MS4A15: variants seen among roughly 807,000 people sequenced by gnomAD.
MS4A15 encodes the protein membrane-spanning 4-domains subfamily A member 15.
Under a neutral mutation model 20.6 loss-of-function variants are expected in MS4A15, and 22 were observed. The observed-to-expected ratio is 1.07, with a 90% CI of 0.76 to 1.52. The LOEUF (loss-of-function observed/expected upper bound fraction) is 1.52. Ranked by LOEUF, MS4A15 falls within the 40% of genes most tolerant of loss-of-function variation. MS4A15 has a pLI of 0.00. For synonymous variants in MS4A15, 129 were observed against 129.3 expected, an observed-to-expected ratio of 1.00 and a Z score of 0.02; for missense variants, 312 against 323.0, an observed-to-expected ratio of 0.97 and a Z score of 0.26.
At chr11:60,757,380 T>A (rs1359445874) in intron 1 of MS4A15, among the ~76,000 whole-genome samples, 1 of 152,172 alleles carries the variant, frequency 6.6e-6, no homozygotes, top group African/African-American at 2.4e-5. Context: ...TGGGCGCCGG[T>A]ACACTCGGTG....
intron 6 of MS4A15, among the ~76,000 whole-genome samples, chr11:60,774,857 G>A (rs973421093): frequency 1.3e-5 from 2 of 152,220 alleles, no homozygotes; most frequent in Admixed American, 6.5e-5. Flanking sequence ...TCTGAGCAGG[G>A]GAGTGAGCTG....
intron 2 of MS4A15, among the ~76,000 whole-genome samples, chr11:60,765,736 G>A (rs982681207): frequency 2.0e-5 from 3 of 152,052 alleles, no homozygotes; most frequent in African/African-American, 7.2e-5. Flanking sequence ...CCTAATAGCT[G>A]CACCACATCC....
At chr11:60,771,555 A>G in intron 4 of MS4A15, 1 of 1,529,080 alleles carries the variant, frequency 6.5e-7, no homozygotes, top group Non-Finnish European at 8.8e-7. Flanking sequence ...CTTTCAATAC[A>G]CAAGCCAGGG....
chr11:60,759,401 C>A (rs575004005), intron 1 of MS4A15, among the ~76,000 whole-genome samples: 1 of 152,364 alleles, frequency 6.6e-6, no homozygotes, highest in African/African-American at 2.4e-5. Context: ...CGATGCACTG[C>A]GGAAAGCCGC....
intron 2 of MS4A15, among the ~76,000 whole-genome samples, chr11:60,765,131 C>G (rs916705803): frequency 1.3e-5 from 2 of 152,104 alleles, no homozygotes; most frequent in Admixed American, 1.3e-4. Context: ...GGCATGATGT[C>G]ATGAGGCATT....
chr11:60,771,025 G>A (rs1854021808), intron 3 of MS4A15, among the ~76,000 whole-genome samples: 1 of 152,194 alleles, frequency 6.6e-6, no homozygotes, highest in Non-Finnish European at 1.5e-5. Context: ...GTAAATGTTT[G>A]ATGAGTGAAT....
chr11:60,771,625 C>T, intron 4 of MS4A15: 2 of 1,471,112 alleles, frequency 1.4e-6, no homozygotes, highest in Non-Finnish European at 1.8e-6. Flanking sequence ...AGAAGATCTC[C>T]TGTAAGAGTC....
At position 60,764,794 on chromosome 11, in the gene MS4A15, A is replaced by G. The variant is rs59622797; in HGVS notation, c.225+836A>G. On this transcript the variant is annotated intron_variant, in intron 2 of 6. Transcript: ENST00000405633. ...TGTGGAGCCGTGTGCCTGTAGTCCCAGCTACTCGGGAGGCTGAGGCAGGAG... is the reference window on the plus strand; with the variant it reads ...TGTGGAGCCGTGTGCCTGTAGTCCCGGCTACTCGGGAGGCTGAGGCAGGAG... Among the ~76,000 whole-genome samples, 1,105 of 152,246 alleles carry G rather than the reference A, an allele frequency of 7.3e-3. 5 individuals are homozygous for G. Among genetic ancestry groups the G allele is most frequent in the African/African-American group, 0.025 (1,049 of 41,540 alleles).
Position 60,775,663 on chromosome 11 carries a change from C to T in MS4A15, c.671C>T (p.Ala224Val). Residue 224 changes from alanine (A) to valine (V), a missense_variant, in exon 7 of 7, where the codon GCC becomes GTC. Transcript: ENST00000405633. ...GACTTCAACATCCCCAGCCCGGCAGCCTCTGCGCCCCCTGCCTATGACAAT... is the reference window on the plus strand; with the variant it reads ...GACTTCAACATCCCCAGCCCGGCAGTCTCTGCGCCCCCTGCCTATGACAAT... ...SADFNIPSPA[A>V]SAPPAYDNVA... 3 of 1,613,998 alleles carry T rather than the reference C, an allele frequency of 1.9e-6. No individual in the cohort carries two copies. The highest frequency in any genetic ancestry group is 2.5e-6 in the Non-Finnish European group (3 of 1,179,926).
In MS4A15 at chr11:60,763,948, A is replaced by G. The variant is rs1027434842; in HGVS notation, c.215A>G (p.Lys72Arg). The G allele has an allele frequency of 1.4e-5, 23 of 1,612,136 alleles. No individual in the cohort carries two copies. The highest frequency in any genetic ancestry group is 1.9e-5 in the Non-Finnish European group (22 of 1,179,598). The change falls in exon 2 of 7, where the codon AAA becomes AGA. Residue 72 changes from lysine (K) to arginine (R), a missense_variant. Physicochemically the swap from Lys to Arg is conservative, Grantham distance 26. Transcript: ENST00000405633. ...PVETFLTGEP[K>R]VLGTVQILIG... is the part of the protein sequence containing the mutation. ...GAGACATTCCTGACAGGAGAGCCCA[A>G]AGTTTTGGGGGTAAGAACAGCCTCT...
rs942419249 is a variant in MS4A15 at position 60,762,304 on chromosome 11, C to A, written c.-28-1402C>A. Among the ~76,000 whole-genome samples the A allele has an allele frequency of 3.9e-5, 6 of 152,280 alleles. No individual in the cohort carries two copies. The East Asian group carries it at 1.2e-3, about 29-fold the overall frequency. On this transcript the variant is annotated intron_variant, in intron 1 of 6. Coordinates refer to ENST00000405633, the MANE Select transcript of MS4A15 (RefSeq NM_001098835.2). Reference sequence around the variant, plus strand: ...GGGGATCAGCAGCTGGCATTCATTACCCATCAACATTTATATTGTAATTGG... The same window carrying A: ...GGGGATCAGCAGCTGGCATTCATTAACCATCAACATTTATATTGTAATTGG...
chr11:60,769,930 T>C (rs1377310811), intron 3 of MS4A15, among the ~76,000 whole-genome samples: 2 of 152,116 alleles, frequency 1.3e-5, no homozygotes, highest in African/African-American at 4.8e-5. Context: ...CAGGGCCTCC[T>C]CCACCCACCG....
intron 6 of MS4A15, 106 bp from the exon 7 acceptor site, chr11:60,775,494 GGAATT>G: frequency 1.2e-6 from 1 of 803,224 alleles, no homozygotes; most frequent in South Asian, 1.6e-5. Context: ...TCAGACTTGC[GGAATT>G]CAGTACCAGG....
chr11:60,764,911 A>T (rs1853844077), intron 2 of MS4A15, among the ~76,000 whole-genome samples: 1 of 152,212 alleles, frequency 6.6e-6, no homozygotes, highest in Non-Finnish European at 1.5e-5. Context: ...CCCATTTAAA[A>T]AAAAAAAGAA....
In MS4A15 at chr11:60,771,825, G is replaced by A. The variant is rs184621882; in HGVS notation, c.405+478G>A. The A allele has an allele frequency of 6.7e-5, 79 of 1,180,822 alleles. No individual in the cohort carries two copies. In the Admixed American group the frequency reaches 2.7e-3, roughly 40 times the overall value. The allele number at this position is 1,180,822 out of a possible 1,614,324, so 73.1% of individuals were successfully genotyped here. ...AATCCCATGATGGGGCTGGATTGTGGAGGGCTTGGTGCCTTCTGCAGGCAC... is the reference window on the plus strand; with the variant it reads ...AATCCCATGATGGGGCTGGATTGTGAAGGGCTTGGTGCCTTCTGCAGGCAC... On this transcript the variant is annotated intron_variant, in intron 4 of 6. Transcript: ENST00000405633.
At chr11:60,771,197 G>A in intron 3 of MS4A15, 94 bp from the exon 4 acceptor site, 1 of 1,444,320 alleles carries the variant, frequency 6.9e-7, no homozygotes, top group African/African-American at 1.4e-5. Context: ...GGAGGCTGTT[G>A]TCTCTCCCTG....
rs548366788 is a variant in MS4A15 at position 60,772,724 on chromosome 11, A to C, written c.406-668A>C. 2.0e-5 allele frequency among the ~76,000 whole-genome samples: 3 copies of C among 152,226 alleles called. No homozygotes were observed. The South Asian group carries it at 6.2e-4, about 32-fold the overall frequency. On this transcript the variant is annotated intron_variant, in intron 4 of 6. Coordinates refer to ENST00000405633, the MANE Select transcript of MS4A15 (RefSeq NM_001098835.2). ...GAAGGCTCCAGCTACGGGTCACGAG[A>C]CCGTCAGGTTCGGGCTGCACGGGGA...
Position 60,775,769 on chromosome 11 carries a change from C to G in MS4A15, c.*54C>G. On this transcript the variant is annotated 3_prime_UTR_variant, in exon 7 of 7. Coordinates refer to ENST00000405633, the MANE Select transcript of MS4A15 (RefSeq NM_001098835.2). Reference sequence around the variant, plus strand: ...TCCAGCCTTTTCCCTCTGGGCCCAGCCTCTCCCCACCCCCACCTTGTTCAT... The same window carrying G: ...TCCAGCCTTTTCCCTCTGGGCCCAGGCTCTCCCCACCCCCACCTTGTTCAT... The G allele has an allele frequency of 1.4e-6, 2 of 1,398,280 alleles. No individual in the cohort carries two copies. The highest frequency in any genetic ancestry group is 2.0e-6 in the Non-Finnish European group (2 of 1,004,396). 86.6% of individuals were successfully genotyped at this position (1,398,280 alleles called of 1,614,324 possible). A position where few individuals can be genotyped will look rare whatever the true frequency, so the allele number is the denominator to read the frequency against.
At chr11:60,770,985 G>A (rs182777175) in intron 3 of MS4A15, among the ~76,000 whole-genome samples, 2 of 152,264 alleles carry the variant, frequency 1.3e-5, no homozygotes, top group East Asian at 1.9e-4. Flanking sequence ...GGGATTACAG[G>A]CATGAGCTCA....
Sources: allele counts gnomAD v4.1 joint callset (sites outside exome capture counted in the v4.1 genomes callset), GRCh38; gene constraint gnomAD v4.1.1; transcripts MANE v1.5; gene names NCBI Gene and HGNC (gene_info 2026-07-23, HGNC 2026-07-21).